The following DCLK2 variants were observed in gnomAD, a reference collection of about 807,000 sequenced individuals.
DCLK2 encodes doublecortin like kinase 2, also known as serine/threonine-protein kinase DCLK2.
In DCLK2, 31 loss-of-function variants were observed where a neutral mutation model predicts 78.4. That is an observed-to-expected ratio of 0.40 (90% CI 0.30 to 0.53). DCLK2 has a LOEUF of 0.53. DCLK2 is among the 20% of genes least tolerant of loss of function. The pLI, the probability that DCLK2 is intolerant of heterozygous loss-of-function variation, is 0.61. For missense variants in DCLK2, 872 were observed against 973.7 expected, an observed-to-expected ratio of 0.90 and a Z score of 1.39; for synonymous variants, 407 against 374.9, an observed-to-expected ratio of 1.09 and a Z score of -0.99.
chr4:150,091,463 G>A (rs1013793457), intron 1 of DCLK2, among the ~76,000 whole-genome samples: 4 of 151,948 alleles, frequency 2.6e-5, no homozygotes, highest in African/African-American at 9.7e-5. Flanking sequence ...AGTTTGAAGA[G>A]TCCTTGCACT....
At chr4:150,201,010 G>A (rs1739408035) in intron 4 of DCLK2, among the ~76,000 whole-genome samples, 1 of 152,080 alleles carries the variant, frequency 6.6e-6, no homozygotes, top group Non-Finnish European at 1.5e-5. Flanking sequence ...TGGAGACGAG[G>A]TTTCGCCATG....
intron 2 of DCLK2, among the ~76,000 whole-genome samples, chr4:150,179,176 C>T (rs1048746864): frequency 2.6e-5 from 4 of 152,022 alleles, no homozygotes; most frequent in African/African-American, 4.8e-5. Flanking sequence ...TACAGGCGCC[C>T]GCCACCATGC....
chr4:150,088,559 C>T (rs1023072188), intron 1 of DCLK2, among the ~76,000 whole-genome samples: 1 of 152,048 alleles, frequency 6.6e-6, no homozygotes, highest in Non-Finnish European at 1.5e-5. Flanking sequence ...TCGCCTCAGT[C>T]TCCGGTTAGC....
At chr4:150,239,175 G>A (rs769285389) in intron 10 of DCLK2, among the ~76,000 whole-genome samples, 7 of 152,074 alleles carry the variant, frequency 4.6e-5, no homozygotes, top group African/African-American at 7.2e-5. Flanking sequence ...TGTGTTCATC[G>A]TACTCCTAGG....
intron 15 of DCLK2, among the ~76,000 whole-genome samples, chr4:150,252,248 T>G (rs576455137): frequency 6.6e-6 from 1 of 152,338 alleles, no homozygotes; most frequent in South Asian, 2.1e-4. Context: ...TGCACTGCGT[T>G]GTAAGGCAGC....
At chr4:150,138,252 C>T (rs554152452) in intron 2 of DCLK2, among the ~76,000 whole-genome samples, 4 of 152,346 alleles carry the variant, frequency 2.6e-5, no homozygotes, top group African/African-American at 9.6e-5. Flanking sequence ...GGCTTTGTCA[C>T]ACTCTAGCTG....
chr4:150,247,046 G>A (rs1188922662), intron 12 of DCLK2, among the ~76,000 whole-genome samples: 1 of 152,070 alleles, frequency 6.6e-6, no homozygotes, highest in Non-Finnish European at 1.5e-5. Flanking sequence ...CTGATCTTTG[G>A]CTGTTAAAGT....
intron 2 of DCLK2, among the ~76,000 whole-genome samples, chr4:150,184,598 CTTCTTTTT>C (rs1466293551): frequency 7.3e-5 from 8 of 109,614 alleles, no homozygotes; most frequent in Non-Finnish European, 1.1e-4. Context: ...TCTTCTTCTT[CTTCTTTTT>C]TTTTTTTTTT....
At chr4:150,205,943 C>T (rs941967166) in intron 5 of DCLK2, among the ~76,000 whole-genome samples, 2 of 152,158 alleles carry the variant, frequency 1.3e-5, no homozygotes, top group Admixed American at 6.5e-5. Flanking sequence ...TCAGATGGGA[C>T]ACTTGAGTGC....
intron 12 of DCLK2, among the ~76,000 whole-genome samples, chr4:150,243,898 C>T (rs1743105542): frequency 6.9e-6 from 1 of 145,940 alleles, no homozygotes. Flanking sequence ...GAGATAGGGT[C>T]TCACTTTGTT....
At chr4:150,100,846 G>A (rs547469778) in intron 1 of DCLK2, among the ~76,000 whole-genome samples, 1 of 152,334 alleles carries the variant, frequency 6.6e-6, no homozygotes, top group East Asian at 1.9e-4. Context: ...GGTTGGGCTA[G>A]ATTTCACTTT....
intron 2 of DCLK2, among the ~76,000 whole-genome samples, chr4:150,180,687 G>C (rs74820135): frequency 0.015 from 2,301 of 152,244 alleles, 21 homozygotes; most frequent in Non-Finnish European, 0.024. Context: ...GAGAAGCAGA[G>C]TCTCTCTCTG....
At chr4:150,171,056 A>G (rs937117850) in intron 2 of DCLK2, among the ~76,000 whole-genome samples, 1 of 152,236 alleles carries the variant, frequency 6.6e-6, no homozygotes, top group Admixed American at 6.5e-5. Flanking sequence ...CATCCCTATA[A>G]ACTGAGTGAA....
At chr4:150,229,358 G>C (rs1025563504) in intron 8 of DCLK2, among the ~76,000 whole-genome samples, 4 of 152,124 alleles carry the variant, frequency 2.6e-5, no homozygotes, top group Non-Finnish European at 4.4e-5. Flanking sequence ...CAAATGCCTA[G>C]AAGTCTAGGT....
chr4:150,151,811 G>A (rs1002322343), intron 2 of DCLK2, among the ~76,000 whole-genome samples: 15 of 152,042 alleles, frequency 9.9e-5, no homozygotes, highest in African/African-American at 3.6e-4. Flanking sequence ...TGTGATCCCA[G>A]CTACTCGGGA....
intron 1 of DCLK2, among the ~76,000 whole-genome samples, chr4:150,101,665 G>A (rs1395100555): frequency 2.0e-5 from 3 of 151,936 alleles, no homozygotes; most frequent in African/African-American, 4.8e-5. Flanking sequence ...GGAAATTTTG[G>A]AACTTAAAAT....
At chr4:150,226,857 GA>G (rs1328619039) in intron 8 of DCLK2, among the ~76,000 whole-genome samples, 4 of 152,062 alleles carry the variant, frequency 2.6e-5, no homozygotes, top group South Asian at 2.1e-4. Context: ...TTTATTTTTA[GA>G]AAAAAATTAT....
At chr4:150,172,438 C>T (rs1335487229) in intron 2 of DCLK2, among the ~76,000 whole-genome samples, 2 of 151,064 alleles carry the variant, frequency 1.3e-5, no homozygotes, top group Admixed American at 6.6e-5. Flanking sequence ...CCCATCTCTA[C>T]GAAAAATACA....
intron 5 of DCLK2, among the ~76,000 whole-genome samples, chr4:150,214,997 A>G (rs777268567): frequency 4.0e-5 from 6 of 151,678 alleles, no homozygotes; most frequent in Non-Finnish European, 7.4e-5. Context: ...CTGACTTGAC[A>G]CTTATAGACC....
Sources: allele counts gnomAD v4.1 joint callset (sites outside exome capture counted in the v4.1 genomes callset), GRCh38; gene constraint gnomAD v4.1.1; transcripts MANE v1.5; gene names NCBI Gene and HGNC (gene_info 2026-07-23, HGNC 2026-07-21).